Variants in TJP1 observed in about 807,000 individuals in gnomAD.
TJP1 encodes tight junction protein 1, also known as tight junction protein ZO-1.
TJP1 carries 43 observed loss-of-function variants against 194.2 expected under a neutral mutation model. The observed-to-expected ratio is 0.22, with a 90% confidence interval of 0.17 to 0.29. The LOEUF is 0.29. Ranked by LOEUF, TJP1 falls within the 10% of genes least tolerant of loss-of-function variation. The pLI, the probability that TJP1 is intolerant of heterozygous loss-of-function variation, is 1.00. For missense variants in TJP1, 1,971 were observed against 2,185.7 expected (o/e 0.90, Z 1.96); for synonymous variants, 801 against 779.0 (o/e 1.03, Z -0.47).
At chr15:29,867,207 C>T (rs144254939) in intron 2 of TJP1, among the ~76,000 whole-genome samples, 88 of 152,250 alleles carry the variant, frequency 5.8e-4, no homozygotes, top group African/African-American at 1.9e-3. Flanking sequence ...CGATGTTGAG[C>T]GAGACTCAGA....
chr15:29,860,847 C>T (rs1353227804), intron 2 of TJP1, among the ~76,000 whole-genome samples: 2 of 152,094 alleles, frequency 1.3e-5, no homozygotes, highest in Non-Finnish European at 2.9e-5. Context: ...TTTCTAATGG[C>T]CTGTACTCAC....
intron 2 of TJP1, among the ~76,000 whole-genome samples, chr15:29,864,033 C>A (rs182541355): frequency 2.0e-5 from 3 of 152,000 alleles, no homozygotes; most frequent in Admixed American, 6.5e-5. Flanking sequence ...TGGTGCTAGC[C>A]AATGATACAG....
intron 1 of TJP1, chr15:29,968,038 A>T (rs540457748): frequency 1.2e-4 from 119 of 980,928 alleles, no homozygotes; most frequent in South Asian, 1.9e-4. Context: ...CCTGTAGATA[A>T]TCAGCAACGT....
chr15:29,927,981 C>T (rs1322232755), intron 2 of TJP1, among the ~76,000 whole-genome samples: 1 of 152,050 alleles, frequency 6.6e-6, no homozygotes, highest in Non-Finnish European at 1.5e-5. Context: ...CAAGTGCCCA[C>T]CAGAAACAAA....
intron 2 of TJP1, among the ~76,000 whole-genome samples, chr15:29,777,209 G>A (rs2047071597): frequency 2.0e-5 from 3 of 152,152 alleles, no homozygotes; most frequent in Non-Finnish European, 2.9e-5. Flanking sequence ...AAATAAAACT[G>A]AAATTGTTCT....
intron 4 of TJP1, among the ~76,000 whole-genome samples, chr15:29,770,094 T>C (rs1261271924): frequency 6.6e-6 from 1 of 152,126 alleles, no homozygotes; most frequent in Non-Finnish European, 1.5e-5. Flanking sequence ...TGGGTAGCCC[T>C]AGGCTAATGT....
intron 1 of TJP1, among the ~76,000 whole-genome samples, chr15:29,965,905 TTATC>T (rs746394667): frequency 2.0e-5 from 3 of 152,194 alleles, no homozygotes; most frequent in Non-Finnish European, 4.4e-5. Flanking sequence ...TAAGAAATGA[TTATC>T]TAAGATCATG....
At chr15:29,818,220 C>T (rs2050069382) in intron 1 of TJP1, among the ~76,000 whole-genome samples, 1 of 152,062 alleles carries the variant, frequency 6.6e-6, no homozygotes, top group Non-Finnish European at 1.5e-5. Context: ...TACAATAGCA[C>T]AATCTTAAAT....
chr15:29,870,473 T>G (rs1312815883), intron 2 of TJP1, among the ~76,000 whole-genome samples: 1 of 152,222 alleles, frequency 6.6e-6, no homozygotes, highest in Non-Finnish European at 1.5e-5. Flanking sequence ...CAAGCTGGGT[T>G]AGATTTGATG....
chr15:29,922,052 G>A lies in TJP1; in HGVS notation c.306+34180C>T, dbSNP rs569051346. On this transcript the variant is annotated intron_variant, in intron 2 of 28. Coordinates refer to the TJP1 transcript ENST00000356107. ...AGTAGAGACGGGGTTTCACCATGTT[G>A]ATCAGGCCGGTCTCAAACTCCTGAC... Among the ~76,000 whole-genome samples, 47 of 152,166 alleles carry A rather than the reference G, an allele frequency of 3.1e-4. 1 individual carries two copies. The South Asian group carries it at 9.1e-3, about 30-fold the overall frequency.
rs960954569 is a variant in TJP1, at chr15:29,966,312, G to C, written c.173+2355C>G. Among the ~76,000 whole-genome samples the C allele has an allele frequency of 3.3e-5, 5 of 152,224 alleles. No homozygotes were observed. In the East Asian group the frequency reaches 9.7e-4, roughly 29 times the overall value. On this transcript the variant is annotated intron_variant, in intron 1 of 28. Coordinates refer to the TJP1 transcript ENST00000356107. ...AACGTCAGGAGTTTGAGACGAGCCT[G>C]ACCAACATGGTAATGCCCCATCTGT...
chr15:29,909,317 G>T (rs988576142), intron 2 of TJP1, among the ~76,000 whole-genome samples: 2 of 131,510 alleles, frequency 1.5e-5, no homozygotes, highest in African/African-American at 3.0e-5. Flanking sequence ...CAGCCTGGGC[G>T]ACAGAGCATG....
At chr15:29,860,075 C>T (rs1463404225) in intron 2 of TJP1, among the ~76,000 whole-genome samples, 2 of 152,204 alleles carry the variant, frequency 1.3e-5, no homozygotes, top group African/African-American at 4.8e-5. Context: ...TCTCTGCATT[C>T]TTACTGGGGC....
Position 29,798,118 on chromosome 15 carries a change from G to T in TJP1, c.84+2528C>A, listed in dbSNP as rs552919212. ...CCTCCAAGTAGCTGGGACTACAGGC[G>T]CCTGCCACCACGTCCAGCTAATTTT... is the stretch of plus-strand genomic sequence containing the variant. On this transcript the variant is annotated intron_variant, in intron 2 of 27. Transcript: ENST00000614355. Among the ~76,000 whole-genome samples the T allele has an allele frequency of 3.8e-3, 571 of 152,044 alleles. 7 individuals are homozygous for T. The highest frequency in any genetic ancestry group is 0.013 in the African/African-American group (556 of 41,466).
chr15:29,901,909 C>T (rs2053646696), intron 2 of TJP1, among the ~76,000 whole-genome samples: 1 of 151,260 alleles, frequency 6.6e-6, no homozygotes, highest in South Asian at 2.1e-4. Flanking sequence ...CAGGTATTTT[C>T]ATACTGTTCT....
chr15:29,929,517 C>T (rs1187003915), intron 2 of TJP1, among the ~76,000 whole-genome samples: 1 of 151,910 alleles, frequency 6.6e-6, no homozygotes, highest in African/African-American at 2.4e-5. Context: ...GCCAACACGG[C>T]AAAACCCCAT....
chr15:29,709,088 G>T, intron 24 of TJP1, 52 bp from the exon 25 acceptor site: 1 of 1,519,272 alleles, frequency 6.6e-7, no homozygotes, highest in Non-Finnish European at 9.0e-7. Context: ...AGTTATAATA[G>T]CCCTGTCCCA....
intron 2 of TJP1, among the ~76,000 whole-genome samples, chr15:29,924,388 G>GA (rs958823531): frequency 1.9e-4 from 29 of 152,170 alleles, no homozygotes; most frequent in African/African-American, 7.0e-4. Flanking sequence ...TTTATAATTG[G>GA]AAAAAACTGC....
chr15:29,799,795 A>G (rs1375713036), intron 2 of TJP1, among the ~76,000 whole-genome samples: 1 of 152,186 alleles, frequency 6.6e-6, no homozygotes, highest in Non-Finnish European at 1.5e-5. Context: ...AATCAGGGGC[A>G]GAGTCCAGCA....
Sources: allele counts gnomAD v4.1 joint callset (sites outside exome capture counted in the v4.1 genomes callset), GRCh38; gene constraint gnomAD v4.1.1; transcripts MANE v1.5; gene names NCBI Gene and HGNC (gene_info 2026-07-23, HGNC 2026-07-21).